The following XK variants were observed in gnomAD, a reference collection of about 807,000 sequenced individuals.
XK encodes X-linked Kx blood group antigen, Kell and VPS13A binding protein.
A neutral mutation model predicts 14.0 loss-of-function variants in XK; 2 were observed. The ratio of observed to expected loss-of-function variants is 0.14; its 90% CI spans 0.06 to 0.45. The LOEUF (loss-of-function observed/expected upper bound fraction) is 0.45. Among genes scored for constraint, XK ranks in the 20% least tolerant of loss-of-function variants. XK has a pLI of 0.98. For missense variants in XK, 235 were observed against 341.5 expected (o/e 0.69, Z 2.46); for synonymous variants, 149 against 147.5 (o/e 1.01, Z -0.08).
At chrX:37,716,768 C>A (rs965331031) in intron 2 of XK, among the ~76,000 whole-genome samples, 2 of 111,880 alleles carry the variant, frequency 1.8e-5, no homozygotes, top group Non-Finnish European at 3.8e-5. Flanking sequence ...GATCTTACTT[C>A]CTTGATCTGG....
intron 2 of XK, among the ~76,000 whole-genome samples, 174 bp downstream of exon 2, chrX:37,694,722 T>C (rs1335776769): frequency 8.9e-6 from 1 of 112,424 alleles, no homozygotes; most frequent in Non-Finnish European, 1.9e-5. Flanking sequence ...TGCTTATGAC[T>C]CTGCATTCTA....
intron 1 of XK, among the ~76,000 whole-genome samples, chrX:37,687,182 C>G: frequency 1.0e-5 from 1 of 97,411 alleles, no homozygotes; most frequent in Non-Finnish European, 2.0e-5. Flanking sequence ...CTCTCTCTTT[C>G]TCTCTCTCTC....
intron 2 of XK, among the ~76,000 whole-genome samples, chrX:37,722,321 G>A (rs1556449122): frequency 9.0e-6 from 1 of 110,890 alleles, no homozygotes; most frequent in African/African-American, 3.3e-5. Flanking sequence ...GCTGACATAG[G>A]CAGATTCATA....
At chrX:37,694,169 T>C (rs181598054) in intron 1 of XK, 117 bp from the exon 2 acceptor site, 1 of 940,936 alleles carries the variant, frequency 1.1e-6, no homozygotes, top group African/African-American at 1.9e-5. Context: ...AGAGTGACTA[T>C]AGTTCAGAGT....
chrX:37,698,567 AAAG>A (rs1174819881), intron 2 of XK, among the ~76,000 whole-genome samples: 5 of 106,970 alleles, frequency 4.7e-5, no homozygotes, highest in African/African-American at 1.7e-4. Context: ...AAAAAAAAAA[AAAG>A]AGGAGGAAAA....
chrX:37,688,329 G>C (rs1927138605), intron 1 of XK, among the ~76,000 whole-genome samples: 1 of 110,994 alleles, frequency 9.0e-6, no homozygotes, highest in South Asian at 3.8e-4. Context: ...GCCTCCCAAA[G>C]TGCTGGGACC....
Position 37,729,739 on chromosome X carries a change from C to T in XK, c.*1277C>T, listed in dbSNP as rs964873132. ...AAAAGAGGTGACCATAAAGATCACA[C>T]CAATTTAGAATGAATATTAAAGTCT... On this transcript the variant is annotated 3_prime_UTR_variant, in exon 3 of 3. Coordinates refer to ENST00000378616, the MANE Select transcript of XK (RefSeq NM_021083.4). 4.5e-5 allele frequency: 5 copies of T among 110,909 alleles called. No homozygotes were observed. The highest frequency in any genetic ancestry group is 1.9e-5 in the Non-Finnish European group (1 of 52,875). The allele number at this position is 110,909 out of a possible 1,213,427, so 9.1% of individuals were successfully genotyped here.
intron 1 of XK, among the ~76,000 whole-genome samples, 157 bp from the exon 2 acceptor site, chrX:37,694,129 A>G (rs1226494672): frequency 8.9e-6 from 1 of 112,503 alleles, no homozygotes; most frequent in Non-Finnish European, 1.9e-5. Flanking sequence ...CTGCATACTG[A>G]GAACTGGTCC....
Position 37,705,439 on chromosome X carries a change from G to A in XK, c.508+10891G>A, listed in dbSNP as rs554376741. Among the ~76,000 whole-genome samples, 67 of 104,327 alleles carry A rather than the reference G, an allele frequency of 6.4e-4. 1 individual carries two copies. The South Asian group carries it at 0.027, about 42-fold the overall frequency. The allele number at this position is 104,327 out of a possible 115,157, so 90.6% of individuals were successfully genotyped here. ...TGGACTCCAGCCTGGGTGAAAGAGCGAGACTCTGTCTCAAAAAAAAAAAAA... is the reference window on the plus strand; with the variant it reads ...TGGACTCCAGCCTGGGTGAAAGAGCAAGACTCTGTCTCAAAAAAAAAAAAA... On this transcript the variant is annotated intron_variant, in intron 2 of 2. Coordinates refer to ENST00000378616, the MANE Select transcript of XK (RefSeq NM_021083.4).
chrX:37,698,907 T>G (rs1426540583), intron 2 of XK, among the ~76,000 whole-genome samples: 1 of 112,177 alleles, frequency 8.9e-6, no homozygotes, highest in Non-Finnish European at 1.9e-5. Context: ...AGATTTAAAC[T>G]GAAAACTGCT....
At chrX:37,722,560 G>A (rs1927899530) in intron 2 of XK, among the ~76,000 whole-genome samples, 1 of 112,248 alleles carries the variant, frequency 8.9e-6, no homozygotes, top group Admixed American at 9.4e-5. Flanking sequence ...TCAGAAGCTT[G>A]CTTTGCTAAC....
intron 2 of XK, among the ~76,000 whole-genome samples, chrX:37,725,103 A>G (rs1171837829): frequency 9.0e-6 from 1 of 111,724 alleles, no homozygotes; most frequent in Non-Finnish European, 1.9e-5. Flanking sequence ...GATCTCATTT[A>G]TATGTGTAAT....
chrX:37,729,564 C>G lies in XK; in HGVS notation c.*1102C>G, dbSNP rs1323302432. On this transcript the variant is annotated 3_prime_UTR_variant, in exon 3 of 3. Coordinates refer to ENST00000378616, the MANE Select transcript of XK (RefSeq NM_021083.4). ...ATCTCCAGTTGTATCCTCTGACACC[C>G]TTTAATGTTCTATATAATTTTTCCT... 1 of 111,691 alleles carries G rather than the reference C, an allele frequency of 9.0e-6. No homozygotes were observed. The highest frequency in any genetic ancestry group is 1.9e-5 in the Non-Finnish European group (1 of 53,075). The allele number at this position is 111,691 out of a possible 1,213,427, so 9.2% of individuals were successfully genotyped here.
At chrX:37,711,972 A>AC (rs1556446812) in intron 2 of XK, among the ~76,000 whole-genome samples, 1 of 111,642 alleles carries the variant, frequency 9.0e-6, no homozygotes, top group Non-Finnish European at 1.9e-5. Context: ...AAATTAAAAA[A>AC]AACAATTGTA....
intron 1 of XK, 29 bp downstream of exon 1, chrX:37,686,235 A>G (rs1927072177): frequency 3.3e-6 from 4 of 1,200,017 alleles, no homozygotes; most frequent in Non-Finnish European, 4.5e-6. Flanking sequence ...AGCCAGCCCC[A>G]GGCCGCAGCC....
intron 2 of XK, among the ~76,000 whole-genome samples, chrX:37,715,593 A>T (rs1183296650): frequency 1.8e-5 from 2 of 111,783 alleles, no homozygotes; most frequent in African/African-American, 6.5e-5. Context: ...CACATATTGC[A>T]AATCCAAGAA....
At chrX:37,717,467 A>C (rs370705944) in intron 2 of XK, among the ~76,000 whole-genome samples, 1 of 112,134 alleles carries the variant, frequency 8.9e-6, no homozygotes, top group African/African-American at 3.2e-5. Flanking sequence ...TAAAATTCTT[A>C]CAATAGTCCC....
At chrX:37,691,796 G>A (rs1231587865) in intron 1 of XK, among the ~76,000 whole-genome samples, 3 of 111,222 alleles carry the variant, frequency 2.7e-5, no homozygotes, top group Admixed American at 9.6e-5. Context: ...GTAAAAATAC[G>A]TAGCCTGGTC....
chrX:37,720,406 G>A (rs1927846837), intron 2 of XK, among the ~76,000 whole-genome samples: 2 of 110,848 alleles, frequency 1.8e-5, no homozygotes, highest in South Asian at 7.5e-4. Context: ...TTTGCTTTTT[G>A]ATGCCTTTTT....
Sources: allele counts gnomAD v4.1 joint callset (sites outside exome capture counted in the v4.1 genomes callset), GRCh38; gene constraint gnomAD v4.1.1; transcripts MANE v1.5; gene names NCBI Gene and HGNC (gene_info 2026-07-23, HGNC 2026-07-21).